The following PCDH11X variants were observed in gnomAD, a reference collection of about 807,000 sequenced individuals.
PCDH11X encodes the protein protocadherin-11 X-linked.
PCDH11X carries 18 observed loss-of-function variants against 53.3 expected under a neutral mutation model. The ratio of observed to expected loss-of-function variants is 0.34; its 90% CI spans 0.23 to 0.50. The LOEUF (loss-of-function observed/expected upper bound fraction) is 0.50. PCDH11X is among the 20% of genes least tolerant of loss of function. PCDH11X has a pLI of 0.98. For synonymous variants in PCDH11X, 279 were observed against 393.3 expected (o/e 0.71, Z 3.44); for missense variants, 570 against 1,032.4 (o/e 0.55, Z 6.14).
At chrX:92,054,739 G>A (rs1299665143) in intron 6 of PCDH11X, among the ~76,000 whole-genome samples, 19 of 101,050 alleles carry the variant, frequency 1.9e-4, no homozygotes, top group Admixed American at 1.6e-3. Flanking sequence ...AGAATCACTT[G>A]AACCCGGGAG....
intron 9 of PCDH11X, among the ~76,000 whole-genome samples, chrX:92,410,198 A>G (rs2071611808): frequency 9.0e-6 from 1 of 110,780 alleles, no homozygotes; most frequent in Admixed American, 9.7e-5. Flanking sequence ...CATTGAGTAA[A>G]TTGATAGGAA....
intron 6 of PCDH11X, among the ~76,000 whole-genome samples, chrX:91,960,569 C>T (rs1480611999): frequency 9.1e-6 from 1 of 110,370 alleles, no homozygotes; most frequent in Non-Finnish European, 1.9e-5. Context: ...GGATTACAGG[C>T]ACCCCCCATC....
chrX:92,359,697 T>C (rs1368895114), intron 8 of PCDH11X, among the ~76,000 whole-genome samples: 1 of 110,782 alleles, frequency 9.0e-6, no homozygotes, highest in Non-Finnish European at 1.9e-5. Context: ...CTCTTCATCA[T>C]TGCATTTTAG....
At chrX:91,947,264 C>A (rs2061588030) in intron 6 of PCDH11X, among the ~76,000 whole-genome samples, 1 of 109,429 alleles carries the variant, frequency 9.1e-6, no homozygotes, top group Non-Finnish European at 1.9e-5. Flanking sequence ...TTATCAACAT[C>A]ATTCAAGTGC....
intron 6 of PCDH11X, among the ~76,000 whole-genome samples, chrX:92,090,641 TAACA>T (rs751147854): frequency 7.4e-4 from 82 of 110,747 alleles, no homozygotes; most frequent in African/African-American, 2.5e-3. Context: ...CAAGCATTTC[TAACA>T]AACAGAGACA....
chrX:92,171,475 T>A (rs184048780), intron 6 of PCDH11X, among the ~76,000 whole-genome samples: 2 of 111,455 alleles, frequency 1.8e-5, no homozygotes, highest in Non-Finnish European at 3.8e-5. Flanking sequence ...TTTTTTTTCT[T>A]TTTTTTGAGA....
At chrX:91,910,728 G>T (rs1250003104) in intron 6 of PCDH11X, among the ~76,000 whole-genome samples, 1 of 111,533 alleles carries the variant, frequency 9.0e-6, no homozygotes, top group Non-Finnish European at 1.9e-5. Flanking sequence ...CAACATGATT[G>T]TCTAGTTGGT....
chrX:92,017,560 C>T (rs1335003795), intron 6 of PCDH11X, among the ~76,000 whole-genome samples: 3 of 106,519 alleles, frequency 2.8e-5, no homozygotes, highest in Non-Finnish European at 3.9e-5. Flanking sequence ...AGCTGACTGC[C>T]GTAGCGCATG....
intron 7 of PCDH11X, among the ~76,000 whole-genome samples, chrX:92,235,313 G>C (rs974838100): frequency 9.0e-6 from 1 of 111,026 alleles, no homozygotes; most frequent in Non-Finnish European, 1.9e-5. Context: ...ATAGCTGTCA[G>C]GTCTGGGTTA....
chrX:92,518,843 A>G (rs1603354474), intron 10 of PCDH11X, among the ~76,000 whole-genome samples: 1 of 86,857 alleles, frequency 1.2e-5, no homozygotes, highest in African/African-American at 4.6e-5. Flanking sequence ...TGTAAGCTCC[A>G]CCTCCCAGGT....
At chrX:91,901,044 T>C (rs1223544210) in intron 6 of PCDH11X, among the ~76,000 whole-genome samples, 1 of 110,953 alleles carries the variant, frequency 9.0e-6, no homozygotes, top group African/African-American at 3.3e-5. Context: ...GAACATGGTT[T>C]GTAACACTGA....
At chrX:92,308,275 C>T (rs1318143136) in intron 8 of PCDH11X, among the ~76,000 whole-genome samples, 1 of 111,471 alleles carries the variant, frequency 9.0e-6, no homozygotes, top group Non-Finnish European at 1.9e-5. Context: ...GTGATCAAAA[C>T]AGTGTGGGTG....
intron 8 of PCDH11X, among the ~76,000 whole-genome samples, chrX:92,387,211 C>T (rs1372890919): frequency 9.1e-6 from 1 of 110,345 alleles, no homozygotes; most frequent in East Asian, 2.8e-4. Flanking sequence ...AAATAAATTC[C>T]AATTCAAAAT....
intron 6 of PCDH11X, chrX:91,882,923 C>T (rs2525214): frequency 8.4e-7 from 1 of 1,185,785 alleles, no homozygotes; most frequent in South Asian, 1.8e-5. Flanking sequence ...TCCAGGACAT[C>T]AACTATTGAA....
At chrX:92,345,436 A>G (rs1362733556) in intron 8 of PCDH11X, among the ~76,000 whole-genome samples, 3 of 110,443 alleles carry the variant, frequency 2.7e-5, no homozygotes, top group African/African-American at 9.8e-5. Context: ...CACAGAGAAA[A>G]TGACTTAGAA....
chrX:91,972,890 T>G (rs35183847), intron 6 of PCDH11X, among the ~76,000 whole-genome samples: 2 of 111,029 alleles, frequency 1.8e-5, no homozygotes, highest in African/African-American at 3.3e-5. Context: ...CGATTCCTCA[T>G]GGATCTAGAA....
chrX:92,547,944 A>G (rs1203572802), intron 10 of PCDH11X, among the ~76,000 whole-genome samples: 1 of 109,626 alleles, frequency 9.1e-6, no homozygotes, highest in Non-Finnish European at 1.9e-5. Flanking sequence ...TTGGCAATAC[A>G]GAAATTACAT....
intron 6 of PCDH11X, among the ~76,000 whole-genome samples, chrX:91,966,798 AATTTT>A (rs2147898017): frequency 9.0e-6 from 1 of 111,387 alleles, no homozygotes; most frequent in South Asian, 3.8e-4. Flanking sequence ...AAAGGGAATT[AATTTT>A]ATTTTATTAT....
intron 6 of PCDH11X, among the ~76,000 whole-genome samples, chrX:92,007,077 G>A (rs1247037637): frequency 9.0e-6 from 1 of 110,552 alleles, no homozygotes; most frequent in Non-Finnish European, 1.9e-5. Flanking sequence ...ACAGTGCTGG[G>A]TCTCATTCAA....
Sources: allele counts gnomAD v4.1 joint callset (sites outside exome capture counted in the v4.1 genomes callset), GRCh38; gene constraint gnomAD v4.1.1; transcripts MANE v1.5; gene names NCBI Gene and HGNC (gene_info 2026-07-23, HGNC 2026-07-21).